Variants in B3GALT5 observed in about 807,000 individuals in gnomAD.
B3GALT5 encodes UDP-Gal:betaGlcNAc beta 1,3-galactosyltransferase, polypeptide 5.
For missense variants in B3GALT5, 328 were observed against 396.6 expected (o/e 0.83, Z 1.47); for synonymous variants, 156 against 158.6 (o/e 0.98, Z 0.12).
intron 1 of B3GALT5, among the ~76,000 whole-genome samples, chr21:39,625,665 GT>G (rs1001208767): frequency 6.6e-6 from 1 of 152,186 alleles, no homozygotes; most frequent in African/African-American, 2.4e-5. Flanking sequence ...TAACCCAGTG[GT>G]TTCCCAGTTT....
rs529450214 is a variant in B3GALT5, at chr21:39,635,520, C to T, written c.-391-10872C>T. Among the ~76,000 whole-genome samples, 5 of 152,132 alleles carry T rather than the reference C, an allele frequency of 3.3e-5. No homozygotes were observed. In the South Asian group the frequency reaches 8.3e-4, roughly 25 times the overall value. On this transcript the variant is annotated intron_variant, in intron 1 of 3. Transcript: ENST00000684187. ...TGACATGGAGTTTTGCTCTTGTTGC[C>T]CAGGCTGGAGTGCAATGGTGCGATC...
In B3GALT5 at chr21:39,672,661, G is replaced by A. The variant is rs2079640264; in HGVS notation, c.*11169G>A. 1 of 152,172 alleles carries A rather than the reference G, an allele frequency of 6.6e-6. No individual in the cohort carries two copies. 9.4% of individuals were successfully genotyped at this position (152,172 alleles called of 1,614,324 possible). The stretch of plus-strand genomic sequence containing the variant: ...TTCACTCTTCCCGAAAAATTGGCAA[G>A]GTAATGGTCTGAATCGGACAATCCT... On this transcript the variant is annotated 3_prime_UTR_variant, in exon 4 of 4. Coordinates refer to ENST00000684187, the MANE Select transcript of B3GALT5 (RefSeq NM_001356336.2).
At chr21:39,622,215 A>G (rs559015222) in intron 1 of B3GALT5, among the ~76,000 whole-genome samples, 3 of 152,068 alleles carry the variant, frequency 2.0e-5, no homozygotes, top group Non-Finnish European at 2.9e-5. Context: ...TTTAATCCCC[A>G]TAAGTGGTAT....
In B3GALT5 at chr21:39,642,739, T is replaced by G. The variant is rs554484369; in HGVS notation, c.-391-3653T>G. ...TTTTGTCTTAGTCAAAATAGCCTAT[T>G]TTAAATATTTTGTTGGCTGGGCATG... On this transcript the variant is annotated intron_variant, in intron 1 of 3. Transcript: ENST00000684187. 6.9e-4 allele frequency among the ~76,000 whole-genome samples: 105 copies of G among 152,262 alleles called. 1 individual carries two copies. The highest frequency in any genetic ancestry group is 1.3e-3 in the Non-Finnish European group (89 of 68,012).
At chr21:39,623,966 G>A (rs2079150911) in intron 1 of B3GALT5, among the ~76,000 whole-genome samples, 1 of 152,042 alleles carries the variant, frequency 6.6e-6, no homozygotes, top group African/African-American at 2.4e-5. Context: ...TCCTTTGTCT[G>A]TCCAATAAGT....
At chr21:39,655,184 A>G (rs2079430697) in intron 2 of B3GALT5, among the ~76,000 whole-genome samples, 1 of 152,226 alleles carries the variant, frequency 6.6e-6, no homozygotes, top group African/African-American at 2.4e-5. Flanking sequence ...CAAGCTCTGG[A>G]CCCAGGAAGA....
intron 1 of B3GALT5, among the ~76,000 whole-genome samples, chr21:39,639,997 C>T (rs2079277212): frequency 6.7e-6 from 1 of 149,736 alleles, no homozygotes; most frequent in African/African-American, 2.5e-5. Context: ...TAAAATGTAC[C>T]TGGAGGGCTC....
In B3GALT5 at chr21:39,659,751, A is replaced by G; in HGVS notation, c.-160-2A>G. 2.0e-6 allele frequency: 2 copies of G among 981,194 alleles called. No individual in the cohort carries two copies. The highest frequency in any genetic ancestry group is 2.4e-6 in the Non-Finnish European group (2 of 828,800). The allele number at this position is 981,194 out of a possible 1,614,324, so 60.8% of individuals were successfully genotyped here. A position where few individuals can be genotyped will look rare whatever the true frequency, so the allele number is the denominator to read the frequency against. Reference sequence around the variant, plus strand: ...ATGACACTCTTTTTTTTTTTTTCCTAGTGATTCCTGTCAGAATCACCATTT... The same window carrying G: ...ATGACACTCTTTTTTTTTTTTTCCTGGTGATTCCTGTCAGAATCACCATTT... On this transcript the variant is annotated splice_acceptor_variant, in intron 2 of 3. Transcript: ENST00000684187. LOFTEE classifies it low-confidence loss of function (5UTR_SPLICE).
chr21:39,632,795 G>A (rs561544570), intron 1 of B3GALT5, among the ~76,000 whole-genome samples: 1 of 152,256 alleles, frequency 6.6e-6, no homozygotes, highest in Admixed American at 6.5e-5. Context: ...AAATGTGGGT[G>A]CTCCTTGAGA....
chr21:39,672,269 C>T lies in B3GALT5; in HGVS notation c.*10777C>T, dbSNP rs995719620. ...GAGGTAAGCCAAAGACATAGTGATACTTGGTTCAATTCGGCTCCAGAGAGT... is the reference window on the plus strand; with the variant it reads ...GAGGTAAGCCAAAGACATAGTGATATTTGGTTCAATTCGGCTCCAGAGAGT... On this transcript the variant is annotated 3_prime_UTR_variant, in exon 4 of 4. Coordinates refer to ENST00000684187, the MANE Select transcript of B3GALT5 (RefSeq NM_001356336.2). 6.6e-6 allele frequency: 1 copy of T among 152,212 alleles called. No homozygotes were observed. Among genetic ancestry groups the T allele is most frequent in the Non-Finnish European group, 1.5e-5 (1 of 68,040 alleles). 9.4% of individuals were successfully genotyped at this position (152,212 alleles called of 1,614,324 possible). A position where few individuals can be genotyped will look rare whatever the true frequency, so the allele number is the denominator to read the frequency against.
At chr21:39,619,724 T>C (rs187336991) in intron 1 of B3GALT5, among the ~76,000 whole-genome samples, 1 of 152,334 alleles carries the variant, frequency 6.6e-6, no homozygotes, top group Admixed American at 6.5e-5. Context: ...CCACAAGTTT[T>C]AATTGCTGTG....
chr21:39,658,968 A>T (rs2079479912), intron 2 of B3GALT5, among the ~76,000 whole-genome samples: 1 of 152,250 alleles, frequency 6.6e-6, no homozygotes, highest in African/African-American at 2.4e-5. Flanking sequence ...TTGGCTGGGC[A>T]CAGTGGCTTG....
chr21:39,624,305 T>G lies in B3GALT5; in HGVS notation c.-392+11238T>G, dbSNP rs73213471. Among the ~76,000 whole-genome samples, 1,126 of 152,336 alleles carry G rather than the reference T, an allele frequency of 7.4e-3. 9 individuals are homozygous for G. Among genetic ancestry groups the G allele is most frequent in the Non-Finnish European group, 0.011 (777 of 68,030 alleles). The stretch of plus-strand genomic sequence containing the variant: ...CCACTTTCAAGGAGTATTCCAAAAG[T>G]TGTGTCCCTTTGTTTGGGTGCTGCT... On this transcript the variant is annotated intron_variant, in intron 1 of 3. Transcript: ENST00000684187.
intron 1 of B3GALT5, among the ~76,000 whole-genome samples, chr21:39,639,476 C>T (rs1413662408): frequency 1.4e-4 from 16 of 116,442 alleles, no homozygotes; most frequent in Admixed American, 5.1e-4. Flanking sequence ...CTCTCTCTCT[C>T]TCTTTCTTTC....
intron 1 of B3GALT5, among the ~76,000 whole-genome samples, chr21:39,637,664 G>A (rs1162630136): frequency 2.0e-5 from 3 of 152,238 alleles, no homozygotes; most frequent in Non-Finnish European, 2.9e-5. Flanking sequence ...AAGGAACAAA[G>A]GCCATTGATT....
In B3GALT5 at chr21:39,661,564, AG is replaced by A; in HGVS notation, c.*77del. On this transcript the variant is annotated 3_prime_UTR_variant, in exon 4 of 4. Coordinates refer to ENST00000684187, the MANE Select transcript of B3GALT5 (RefSeq NM_001356336.2). The surrounding 1 kb of genome is among the most constrained non-coding windows in gnomAD (Gnocchi z 4.7). ...GATAGTTTTTGCTAGATTTTGGAAG[AG>A]GGGGCGGGACAGAGGATGCTGTTCT... The A allele has an allele frequency of 7.3e-7, 1 of 1,377,866 alleles. No individual in the cohort carries two copies. The highest frequency in any genetic ancestry group is 1.4e-5 in the African/African-American group (1 of 68,974). 85.4% of individuals were successfully genotyped at this position (1,377,866 alleles called of 1,614,324 possible). A position where few individuals can be genotyped will look rare whatever the true frequency, so the allele number is the denominator to read the frequency against.
intron 1 of B3GALT5, among the ~76,000 whole-genome samples, chr21:39,631,700 C>T (rs141717587): frequency 1.3e-5 from 2 of 152,108 alleles, no homozygotes; most frequent in Non-Finnish European, 2.9e-5. Flanking sequence ...TAAACAGATA[C>T]GCTTAAATAT....
chr21:39,625,016 G>A (rs73904081), intron 1 of B3GALT5, among the ~76,000 whole-genome samples: 15,206 of 152,086 alleles, frequency 0.1, 814 homozygotes, highest in South Asian at 0.12. Context: ...CTTCTTTGAC[G>A]GCTGGCTCTC....
Position 39,665,647 on chromosome 21 carries a change from C to G in B3GALT5, c.*4155C>G, listed in dbSNP as rs2079571498. On this transcript the variant is annotated 3_prime_UTR_variant, in exon 4 of 4. Transcript: ENST00000684187. ...TGGCTGTCCTCTCTGCTGGGAGTGC[C>G]CTTTCTTCAGATGCTCTCATGCTTC... The G allele has an allele frequency of 6.6e-6, 1 of 152,242 alleles. No homozygotes were observed. The highest frequency in any genetic ancestry group is 1.5e-5 in the Non-Finnish European group (1 of 68,116). 9.4% of individuals were successfully genotyped at this position (152,242 alleles called of 1,614,324 possible). A position where few individuals can be genotyped will look rare whatever the true frequency, so the allele number is the denominator to read the frequency against.
Sources: allele counts gnomAD v4.1 joint callset (sites outside exome capture counted in the v4.1 genomes callset), GRCh38; gene constraint gnomAD v4.1.1; non-coding constraint Gnocchi (gnomAD v3.1); transcripts MANE v1.5; gene names NCBI Gene and HGNC (gene_info 2026-07-23, HGNC 2026-07-21).